The following RASA2 variants were observed in gnomAD, a reference collection of about 807,000 sequenced individuals.
The protein encoded by RASA2 is ras GTPase-activating protein 2.
Under a neutral mutation model 118.2 loss-of-function variants are expected in RASA2, and 155 were observed. The ratio of observed to expected loss-of-function variants is 1.31; its 90% CI spans 1.15 to 1.50. RASA2 has a LOEUF of 1.50. Ranked by LOEUF, RASA2 falls within the 40% of genes most tolerant of loss-of-function variation. The probability of loss-of-function intolerance (pLI) is 0.00; values close to 1 mark genes in which losing one functional copy is unlikely to be tolerated. For synonymous variants in RASA2, 353 were observed against 349.1 expected, an observed-to-expected ratio of 1.01 and a Z score of -0.12; for missense variants, 1,016 against 1,009.6, an observed-to-expected ratio of 1.01 and a Z score of -0.09.
Position 141,612,515 on chromosome 3 carries a change from C to A in RASA2, c.*202C>A. 4.1e-6 allele frequency: 2 copies of A among 486,628 alleles called. No homozygotes were observed. The highest frequency in any genetic ancestry group is 3.7e-6 in the Non-Finnish European group (1 of 272,936). The allele number at this position is 486,628 out of a possible 1,614,324, so 30.1% of individuals were successfully genotyped here. On this transcript the variant is annotated 3_prime_UTR_variant, in exon 24 of 24. Coordinates refer to ENST00000286364, the MANE Select transcript of RASA2 (RefSeq NM_006506.5). ...ATGTATTACTAGAGAATTTAAAGCC[C>A]AAGATTCCCTTCATACCTGTGTGAC...
At chr3:141,541,629 T>C (rs2082406273) in intron 5 of RASA2, among the ~76,000 whole-genome samples, 1 of 152,136 alleles carries the variant, frequency 6.6e-6, no homozygotes, top group Admixed American at 6.5e-5. Flanking sequence ...TCTGCAGTTA[T>C]TATATTCCAC....
At chr3:141,551,911 TG>T (rs1390222128) in intron 5 of RASA2, among the ~76,000 whole-genome samples, 6 of 152,328 alleles carry the variant, frequency 3.9e-5, no homozygotes, top group African/African-American at 1.4e-4. Flanking sequence ...TTTCAACATT[TG>T]TTTTCTGCCC....
intron 16 of RASA2, 65 bp from the exon 17 acceptor site, chr3:141,581,035 T>G: frequency 7.1e-7 from 1 of 1,415,906 alleles, no homozygotes; most frequent in Middle Eastern, 1.8e-4. Context: ...AGCTTAAAAA[T>G]ACAGTCCATT....
chr3:141,611,272 C>G (rs555754936), intron 23 of RASA2, among the ~76,000 whole-genome samples: 115 of 152,308 alleles, frequency 7.6e-4, no homozygotes, highest in African/African-American at 2.7e-3. Flanking sequence ...CAAGCTTGTT[C>G]CCCCATGGTC....
intron 7 of RASA2, among the ~76,000 whole-genome samples, chr3:141,556,472 A>G (rs2082651596): frequency 6.6e-6 from 1 of 152,024 alleles, no homozygotes; most frequent in Non-Finnish European, 1.5e-5. Flanking sequence ...CTTTATTATT[A>G]CTTTTTTTTT....
intron 5 of RASA2, among the ~76,000 whole-genome samples, chr3:141,549,472 A>AGTGTGTGTGCGTGTGTGT (rs1553790597): frequency 4.4e-4 from 59 of 134,712 alleles, no homozygotes; most frequent in African/African-American, 1.7e-3. Context: ...AGTGTGTATG[A>AGTGTGTGTGCGTGTGTGT]GTGTGTGTGT....
intron 3 of RASA2, among the ~76,000 whole-genome samples, chr3:141,528,569 G>A (rs762377923): frequency 5.9e-5 from 9 of 151,498 alleles, no homozygotes; most frequent in African/African-American, 4.8e-5. Context: ...TAATGGCTTG[G>A]GTGAATTAAA....
intron 9 of RASA2, among the ~76,000 whole-genome samples, chr3:141,563,104 G>A (rs185497424): frequency 3.2e-4 from 49 of 152,272 alleles, no homozygotes; most frequent in African/African-American, 9.1e-4. Flanking sequence ...TTTAAATGCT[G>A]ATTTTTTTCT....
intron 1 of RASA2, among the ~76,000 whole-genome samples, chr3:141,506,720 C>T (rs2081873198): frequency 6.6e-6 from 1 of 151,926 alleles, no homozygotes. Context: ...CAAGACCAGC[C>T]TGGGCAACAT....
intron 2 of RASA2, 138 bp downstream of exon 2, chr3:141,512,418 G>GT: frequency 1.6e-6 from 1 of 615,678 alleles, no homozygotes; most frequent in Middle Eastern, 4.5e-4. Context: ...GCCTCAAAAT[G>GT]TATCTTCCTC....
intron 3 of RASA2, among the ~76,000 whole-genome samples, chr3:141,517,080 T>C (rs2082038941): frequency 6.6e-6 from 1 of 152,194 alleles, no homozygotes; most frequent in African/African-American, 2.4e-5. Context: ...GGGCAGGGAC[T>C]CTTTCTTACG....
intron 5 of RASA2, among the ~76,000 whole-genome samples, chr3:141,552,716 A>C (rs993837104): frequency 2.0e-5 from 3 of 152,084 alleles, no homozygotes; most frequent in Non-Finnish European, 4.4e-5. Context: ...TTATTTTTTT[A>C]TGCTCAGCTA....
rs1309147265 is a variant in RASA2 at position 141,609,945 on chromosome 3, A to G, written c.2398A>G (p.Ile800Val). Residue 800 changes from isoleucine (I) to valine (V), a missense_variant, in exon 23 of 24, where the codon ATC (isoleucine) becomes GTC (valine). Transcript: ENST00000286364. ...KEPDDYSNFV[I>V]EDSVTTFKTI... ...GCCTGATGATTATTCTAACTTTGTA[A>G]TCGAGGATTCTGTAACAACCTTTAA... 3.7e-6 allele frequency: 6 copies of G among 1,608,334 alleles called. No individual in the cohort carries two copies. Among genetic ancestry groups the G allele is most frequent in the Non-Finnish European group, 5.1e-6 (6 of 1,177,626 alleles).
intron 5 of RASA2, among the ~76,000 whole-genome samples, chr3:141,542,163 T>C (rs892499919): frequency 1.3e-5 from 2 of 151,486 alleles, no homozygotes; most frequent in Non-Finnish European, 2.9e-5. Flanking sequence ...AAGGCGTTAC[T>C]CAGAGATGTG....
intron 4 of RASA2, among the ~76,000 whole-genome samples, chr3:141,533,786 T>C (rs2082290774): frequency 6.6e-6 from 1 of 152,206 alleles, no homozygotes; most frequent in Non-Finnish European, 1.5e-5. Flanking sequence ...TTTTGTAATT[T>C]TTCCTTCTGG....
At position 141,555,891 on chromosome 3, in the gene RASA2, T is replaced by A; in HGVS notation, c.663T>A (p.Phe221Leu). Residue 221 changes from phenylalanine to leucine, a missense_variant, in exon 7 of 24, where the codon TTT becomes TTA. Phe to Leu is a conservative substitution (Grantham distance 22). Coordinates refer to ENST00000286364, the MANE Select transcript of RASA2 (RefSeq NM_006506.5). ...KVKKKTSNPQ[F>L]NEIFYFEVTR... The stretch of plus-strand genomic sequence containing the variant: ...AGAAGAAAACAAGCAATCCGCAGTT[T>A]AATGAAATCTTTTATTTTGAGGTAA... 1.9e-6 allele frequency: 3 copies of A among 1,611,160 alleles called. No individual in the cohort carries two copies. Among genetic ancestry groups the A allele is most frequent in the Admixed American group, 3.3e-5 (2 of 59,836 alleles).
intron 1 of RASA2, 112 bp from the exon 2 acceptor site, chr3:141,512,051 T>C (rs1465111848): frequency 2.9e-6 from 2 of 691,912 alleles, no homozygotes; most frequent in South Asian, 3.7e-5. Context: ...AGTGTTTTTT[T>C]TTTTTTCTGT....
intron 5 of RASA2, among the ~76,000 whole-genome samples, chr3:141,543,876 C>CTTTTTTTTTTTTTTTTTTTTTTT (rs529631210): frequency 2.6e-5 from 3 of 117,318 alleles, no homozygotes; most frequent in African/African-American, 6.5e-5. Context: ...TTTCTTTTTT[C>CTTTTTTTTTTTTTTTTTTTTTTT]TTTTTTTTTT....
At chr3:141,526,647 T>C (rs150192880) in intron 3 of RASA2, among the ~76,000 whole-genome samples, 1 of 152,240 alleles carries the variant, frequency 6.6e-6, no homozygotes, top group Non-Finnish European at 1.5e-5. Flanking sequence ...TGTGGAATCA[T>C]GTACTCTTTC....
Sources: gnomAD v4.1 joint callset for allele counts (sites outside exome capture counted in the v4.1 genomes callset) on GRCh38, gnomAD v4.1.1 for gene constraint, MANE v1.5 for transcripts, NCBI Gene and HGNC (gene_info 2026-07-23, HGNC 2026-07-21) for gene names.